UNC13B: variants seen among roughly 807,000 people sequenced by gnomAD.
UNC13B encodes the protein protein unc-13 homolog B.
UNC13B carries 144 observed loss-of-function variants against 211.0 expected under a neutral mutation model. The ratio of observed to expected loss-of-function variants is 0.68; its 90% CI spans 0.60 to 0.78. The LOEUF (loss-of-function observed/expected upper bound fraction) is 0.78, where lower values mean the gene tolerates loss of function less well. UNC13B is among the 30% of genes least tolerant of loss of function. The probability of loss-of-function intolerance (pLI) is 0.00; values close to 1 mark genes in which losing one functional copy is unlikely to be tolerated. For synonymous variants in UNC13B, 709 were observed against 725.8 expected, an observed-to-expected ratio of 0.98 and a Z score of 0.37; for missense variants, 1,777 against 2,002.0, an observed-to-expected ratio of 0.89 and a Z score of 2.14.
intron 14 of UNC13B, 141 bp from the exon 15 acceptor site, chr9:35,375,887 G>A: frequency 1.3e-6 from 1 of 769,104 alleles, no homozygotes; most frequent in South Asian, 1.7e-5. Flanking sequence ...GGCCAAGGCA[G>A]GAGAATTGCT....
chr9:35,403,106 C>A, intron 37 of UNC13B, 61 bp from the exon 38 acceptor site: 2 of 1,534,240 alleles, frequency 1.3e-6, no homozygotes, highest in Non-Finnish European at 9.0e-7. Context: ...GACCTCCTCA[C>A]CCCTCAGGTT....
In UNC13B at chr9:35,301,826, G is replaced by C; in HGVS notation, c.2422G>C (p.Glu808Gln). Residue 808 changes from glutamate (E) to glutamine (Q), a missense_variant, in exon 9 of 40, where the codon GAG (glutamate) becomes CAG (glutamine). Glu to Gln is a conservative substitution (Grantham distance 29). Transcript: ENST00000635942. ...DKVTGNDDFL[E>Q]PLRKSFSQFL... Reference sequence around the variant, plus strand: ...AGTTACAGGTAATGATGATTTCCTTGAGCCACTCAGAAAATCATTTAGCCA... The same window carrying C: ...AGTTACAGGTAATGATGATTTCCTTCAGCCACTCAGAAAATCATTTAGCCA... 1 of 398,818 alleles carries C rather than the reference G, an allele frequency of 2.5e-6. No homozygotes were observed. Among genetic ancestry groups the C allele is most frequent in the Non-Finnish European group, 4.4e-6 (1 of 225,902 alleles). The allele number at this position is 398,818 out of a possible 1,614,324, so 24.7% of individuals were successfully genotyped here. A position where few individuals can be genotyped will look rare whatever the true frequency, so the allele number is the denominator to read the frequency against.
intron 7 of UNC13B, among the ~76,000 whole-genome samples, chr9:35,282,537 T>G (rs1316635833): frequency 6.6e-6 from 1 of 152,166 alleles, no homozygotes; most frequent in Non-Finnish European, 1.5e-5. Flanking sequence ...GATCAAGAGA[T>G]TCTCCTGCTT....
intron 1 of UNC13B, among the ~76,000 whole-genome samples, chr9:35,219,987 T>C (rs1303317109): frequency 6.6e-6 from 1 of 152,204 alleles, no homozygotes; most frequent in African/African-American, 2.4e-5. Context: ...GTTTAATCCA[T>C]TTATAATTCA....
chr9:35,384,141 C>T (rs1835030360), intron 21 of UNC13B, 105 bp from the exon 22 acceptor site: 3 of 1,542,070 alleles, frequency 1.9e-6, no homozygotes, highest in African/African-American at 2.7e-5. Flanking sequence ...CCAATGCCTC[C>T]CGACTCTTTC....
chr9:35,301,060 G>A lies in UNC13B; in HGVS notation c.1656G>A (p.Lys552=), dbSNP rs905720106. The A allele has an allele frequency of 2.3e-5, 9 of 398,772 alleles. No individual in the cohort carries two copies. Among genetic ancestry groups the A allele is most frequent in the African/African-American group, 1.6e-4 (8 of 48,616 alleles). The allele number at this position is 398,772 out of a possible 1,614,324, so 24.7% of individuals were successfully genotyped here. A position where few individuals can be genotyped will look rare whatever the true frequency, so the allele number is the denominator to read the frequency against. Residue 552 remains lysine, a synonymous_variant, in exon 9 of 40, where the codon AAG becomes AAA. Transcript: ENST00000635942. ...SLTEKVGSGT[K]HLTNSVEKLV... ...CAGAAAAAGTGGGTTCAGGCACAAA[G>A]CATCTAACAAACTCTGTGGAAAAGT...
At chr9:35,278,708 G>A (rs1270936890) in intron 7 of UNC13B, among the ~76,000 whole-genome samples, 2 of 151,640 alleles carry the variant, frequency 1.3e-5, no homozygotes, top group Non-Finnish European at 2.9e-5. Flanking sequence ...TATCTTATAA[G>A]TAGGATATTT....
At chr9:35,226,716 G>A (rs772907328) in intron 1 of UNC13B, among the ~76,000 whole-genome samples, 5 of 152,174 alleles carry the variant, frequency 3.3e-5, no homozygotes, top group South Asian at 2.1e-4. Flanking sequence ...CTCCTTCCGC[G>A]TTCCTCTGCC....
chr9:35,403,235 G>A lies in UNC13B; in HGVS notation c.12553G>A (p.Gly4185Arg). 6.2e-7 allele frequency: 1 copy of A among 1,614,146 alleles called. No homozygotes were observed. The highest frequency in any genetic ancestry group is 8.5e-7 in the Non-Finnish European group (1 of 1,180,012). ...QVDLFTHPGT[G>R]EHKVTVKVVA... ...GGACTTGTTTACACACCCTGGTACT[G>A]GGGAGCACAAGGTCACAGTGAAAGG... The change falls in exon 38 of 40, where the codon GGG becomes AGG. Residue 4185 changes from glycine to arginine, a missense_variant. Coordinates refer to ENST00000635942, the MANE Select transcript of UNC13B (RefSeq NM_001371189.2).
At chr9:35,351,206 T>C (rs1196240843) in intron 11 of UNC13B, 1 of 806,080 alleles carries the variant, frequency 1.2e-6, no homozygotes, top group Non-Finnish European at 1.5e-6. Context: ...TAGGAGATAA[T>C]GTTTTTATTC....
intron 7 of UNC13B, among the ~76,000 whole-genome samples, chr9:35,293,444 T>C (rs542402898): frequency 9.5e-4 from 144 of 152,330 alleles, no homozygotes; most frequent in African/African-American, 3.4e-3. Context: ...CCTTGGAGAC[T>C]GAATCTTGTT....
At chr9:35,346,612 C>T (rs918846861) in intron 11 of UNC13B, among the ~76,000 whole-genome samples, 41 of 152,222 alleles carry the variant, frequency 2.7e-4, no homozygotes, top group African/African-American at 8.9e-4. Context: ...TGCAGATAGT[C>T]CTTGAAAGGG....
chr9:35,340,926 A>G (rs1831953423), intron 11 of UNC13B, among the ~76,000 whole-genome samples: 1 of 152,208 alleles, frequency 6.6e-6, no homozygotes, highest in Non-Finnish European at 1.5e-5. Flanking sequence ...GTTGCAGTGA[A>G]CAACTTGAGT....
intron 11 of UNC13B, among the ~76,000 whole-genome samples, chr9:35,318,663 G>A (rs906722751): frequency 4.6e-5 from 7 of 152,000 alleles, no homozygotes; most frequent in African/African-American, 1.7e-4. Flanking sequence ...TATTTGTTCT[G>A]CAAGTATTTA....
At chr9:35,271,890 TAA>T (rs1827902702) in intron 7 of UNC13B, among the ~76,000 whole-genome samples, 2 of 152,212 alleles carry the variant, frequency 1.3e-5, no homozygotes, top group South Asian at 2.1e-4. Context: ...CTAGGGTGTG[TAA>T]ATTAGTACAA....
At chr9:35,216,575 A>G (rs1475470862) in intron 1 of UNC13B, among the ~76,000 whole-genome samples, 1 of 152,156 alleles carries the variant, frequency 6.6e-6, no homozygotes, top group East Asian at 1.9e-4. Flanking sequence ...CAAGACAGAA[A>G]CTTTTGGACA....
At chr9:35,399,574 T>C in intron 35 of UNC13B, 75 bp from the exon 36 acceptor site, 4 of 1,600,202 alleles carry the variant, frequency 2.5e-6, no homozygotes, top group Non-Finnish European at 3.4e-6. Context: ...GAATATGCAC[T>C]GGGGGCTGGC....
At chr9:35,382,702 A>G (rs1834937663) in intron 21 of UNC13B, among the ~76,000 whole-genome samples, 195 bp downstream of exon 21, 1 of 151,508 alleles carries the variant, frequency 6.6e-6, no homozygotes, top group Non-Finnish European at 1.5e-5. Context: ...AGCTGGGATT[A>G]CAGGCACCCG....
intron 21 of UNC13B, 87 bp downstream of exon 21, chr9:35,382,594 G>A (rs113663542): frequency 1.4e-5 from 21 of 1,449,844 alleles, no homozygotes; most frequent in African/African-American, 7.4e-5. Flanking sequence ...ACAGAGTCTC[G>A]CTCTGTTGCC....
Sources: allele counts gnomAD v4.1 joint callset (sites outside exome capture counted in the v4.1 genomes callset), GRCh38; gene constraint gnomAD v4.1.1; transcripts MANE v1.5; gene names NCBI Gene and HGNC (gene_info 2026-07-23, HGNC 2026-07-21).